IMMT: variants seen among roughly 807,000 people sequenced by gnomAD.
The protein encoded by IMMT is inner membrane mitochondrial protein, also known as MICOS complex subunit MIC60.
A neutral mutation model predicts 92.7 loss-of-function variants in IMMT; 40 were observed. The observed-to-expected ratio is 0.43, with a 90% confidence interval of 0.34 to 0.56. The LOEUF is 0.56. Among genes scored for constraint, IMMT ranks in the 20% least tolerant of loss-of-function variants. IMMT has a pLI of 0.03. For missense variants in IMMT, 831 were observed against 912.1 expected, an observed-to-expected ratio of 0.91 and a Z score of 1.14; for synonymous variants, 322 against 336.1, an observed-to-expected ratio of 0.96 and a Z score of 0.46.
At chr2:86,179,156 A>G (rs1435590665) in intron 3 of IMMT, among the ~76,000 whole-genome samples, 2 of 152,226 alleles carry the variant, frequency 1.3e-5, no homozygotes, top group East Asian at 3.8e-4. Context: ...CCTAAATAAC[A>G]CAGTATAATG....
chr2:86,147,515 AT>A (rs1237414106), intron 13 of IMMT, among the ~76,000 whole-genome samples, 186 bp downstream of exon 13: 1 of 152,236 alleles, frequency 6.6e-6, no homozygotes, highest in Non-Finnish European at 1.5e-5. Context: ...AATGACTAGA[AT>A]ATATATTTTA....
intron 1 of IMMT, among the ~76,000 whole-genome samples, chr2:86,184,325 C>T (rs1672615326): frequency 6.6e-6 from 1 of 152,080 alleles, no homozygotes; most frequent in African/African-American, 2.4e-5. Flanking sequence ...CACATGCCCA[C>T]CATACCCAGC....
At chr2:86,171,059 G>A (rs1677049197) in intron 5 of IMMT, 149 bp downstream of exon 5, 12 of 761,484 alleles carry the variant, frequency 1.6e-5, no homozygotes, top group South Asian at 7.9e-5. Flanking sequence ...AGATACATTC[G>A]GACATTTAAA....
At chr2:86,179,061 CAAAACAAAAACA>C (rs578162007) in intron 3 of IMMT, among the ~76,000 whole-genome samples, 11 of 152,084 alleles carry the variant, frequency 7.2e-5, no homozygotes, top group Non-Finnish European at 1.5e-4. Flanking sequence ...AACTCTGTCT[CAAAACAAAAACA>C]AAAACAAAAA....
At chr2:86,194,043 G>A (rs1477591318) in intron 1 of IMMT, among the ~76,000 whole-genome samples, 4 of 152,210 alleles carry the variant, frequency 2.6e-5, no homozygotes. Flanking sequence ...TGTTATGAAT[G>A]GCCTCTAGAG....
At chr2:86,146,358 T>A (rs1411138812) in intron 13 of IMMT, among the ~76,000 whole-genome samples, 161 bp from the exon 14 acceptor site, 2 of 149,902 alleles carry the variant, frequency 1.3e-5, no homozygotes, top group African/African-American at 5.0e-5. Context: ...CTGACTCATA[T>A]TTGATGTATA....
Position 86,178,317 on chromosome 2 carries a change from C to CA in IMMT, c.309+1115dup, listed in dbSNP as rs58264892. On this transcript the variant is annotated intron_variant, in intron 3 of 14. Transcript: ENST00000410111. The stretch of plus-strand genomic sequence containing the variant: ...TGCGTGACACAGCAAGACTCCATCT[C>CA]AAAAAAAAAAAAAAGAAAAAAAAAA... Among the ~76,000 whole-genome samples the CA allele has an allele frequency of 8.5e-3, 760 of 89,686 alleles. 24 individuals are homozygous for CA. The highest frequency in any genetic ancestry group is 0.03 in the African/African-American group (634 of 20,980). The allele number at this position is 89,686 out of a possible 152,430, so 58.8% of individuals were successfully genotyped here.
intron 13 of IMMT, 89 bp from the exon 14 acceptor site, chr2:86,146,286 GCA>G: frequency 8.9e-7 from 1 of 1,123,628 alleles, no homozygotes; most frequent in Non-Finnish European, 1.3e-6. Flanking sequence ...ACTTGCTGAA[GCA>G]AAGAGGGCCT....
At chr2:86,189,450 G>C (rs1049342814) in intron 1 of IMMT, among the ~76,000 whole-genome samples, 2 of 152,138 alleles carry the variant, frequency 1.3e-5, no homozygotes, top group South Asian at 4.1e-4. Flanking sequence ...GGCCAGGCTG[G>C]TCTTGAACTC....
chr2:86,147,261 A>G (rs1043149110), intron 13 of IMMT, among the ~76,000 whole-genome samples: 2 of 152,210 alleles, frequency 1.3e-5, no homozygotes, highest in African/African-American at 2.4e-5. Flanking sequence ...GAAAACCTCA[A>G]TATCTTCTTG....
chr2:86,158,358 C>A (rs149449018), intron 10 of IMMT: 1 of 328,136 alleles, frequency 3.0e-6, no homozygotes, highest in Non-Finnish European at 5.7e-6. Flanking sequence ...GAACCAATCA[C>A]GGATTATGGA....
In IMMT at chr2:86,144,223, T is replaced by C. The variant is rs1674815996; in HGVS notation, c.*45A>G. The stretch of plus-strand genomic sequence containing the variant: ...CGAACCCTTCATCTATCACTGCTGA[T>C]TTCCTTTGACATGAAATATGACTTT... On this transcript the variant is annotated 3_prime_UTR_variant, in exon 15 of 15. Transcript: ENST00000410111. The C allele has an allele frequency of 3.1e-6, 5 of 1,603,354 alleles. No homozygotes were observed. Among genetic ancestry groups the C allele is most frequent in the Non-Finnish European group, 4.3e-6 (5 of 1,173,188 alleles).
In IMMT at chr2:86,161,984, G is replaced by C; in HGVS notation, c.888C>G (p.Leu296=). The C allele has an allele frequency of 1.3e-6, 2 of 1,592,180 alleles. No individual in the cohort carries two copies. Among genetic ancestry groups the C allele is most frequent in the Non-Finnish European group, 1.7e-6 (2 of 1,168,468 alleles). Residue 296 remains leucine, a synonymous_variant, in exon 8 of 15, where the codon CTC becomes CTG. Transcript: ENST00000410111. ...KAVDEAADAL[L]KAKEELEKMK... ...AGTCCATGAGTAATTACTTGGCTTT[G>C]AGAAGGGCATCGGCAGCTTCATCTA...
chr2:86,148,607 A>G (rs564306914), intron 12 of IMMT, among the ~76,000 whole-genome samples: 2 of 152,142 alleles, frequency 1.3e-5, no homozygotes, highest in Non-Finnish European at 2.9e-5. Flanking sequence ...GCAAGACTCC[A>G]TCTCAAAAAG....
At position 86,147,735 on chromosome 2, in the gene IMMT, T is replaced by A. The variant is rs770577912; in HGVS notation, c.1500A>T (p.Val500=). Residue 500 remains valine (V), a synonymous_variant, in exon 13 of 15, where the codon GTA becomes GTT. Coordinates refer to ENST00000410111, the MANE Select transcript of IMMT (RefSeq NM_006839.3). The part of the protein sequence containing the change: ...HTDHLRDVLR[V]QEQELKSEFE... ...ATTCAGACTTCAATTCCTGTTCTTG[T>A]ACCCTAAGGACATCTCGCAAGTGAT... 8.7e-6 allele frequency: 14 copies of A among 1,613,576 alleles called. No individual in the cohort carries two copies. Among genetic ancestry groups the A allele is most frequent in the Admixed American group, 1.7e-5 (1 of 59,960 alleles).
intron 6 of IMMT, among the ~76,000 whole-genome samples, chr2:86,166,915 T>C (rs1239367924): frequency 1.3e-5 from 2 of 151,672 alleles, no homozygotes; most frequent in African/African-American, 4.8e-5. Flanking sequence ...CTGACCAATG[T>C]GGTGAAACCC....
chr2:86,159,363 G>A (rs1433018834), intron 9 of IMMT, 173 bp downstream of exon 9: 2 of 687,998 alleles, frequency 2.9e-6, no homozygotes, highest in East Asian at 2.8e-5. Flanking sequence ...GGGATTACAG[G>A]TGTGAACCAC....
intron 9 of IMMT, chr2:86,159,276 A>T (rs1452044500): frequency 4.3e-6 from 2 of 466,980 alleles, no homozygotes; most frequent in Non-Finnish European, 7.9e-6. Flanking sequence ...GTAGAAACAG[A>T]GTTTCACCAT....
chr2:86,180,905 A>G (rs1672395744), intron 2 of IMMT, among the ~76,000 whole-genome samples: 1 of 152,146 alleles, frequency 6.6e-6, no homozygotes, highest in African/African-American at 2.4e-5. Context: ...AGAAAAAAAA[A>G]TAGATAATAA....
Sources: allele counts gnomAD v4.1 joint callset (sites outside exome capture counted in the v4.1 genomes callset), GRCh38; gene constraint gnomAD v4.1.1; transcripts MANE v1.5; gene names NCBI Gene and HGNC (gene_info 2026-07-23, HGNC 2026-07-21).